The following BRD10 variants were observed in gnomAD, a reference collection of about 807,000 sequenced individuals.
BRD10 encodes uncharacterized bromodomain-containing protein 10.
chr9:5,924,627 T>C, the BRD10 span: 2 of 1,354,912 alleles, frequency 1.5e-6, no homozygotes, highest in African/African-American at 1.5e-5. Context: ...GTGCCTTCAG[T>C]GTTGACTTAA....
the BRD10 span, among the ~76,000 whole-genome samples, chr9:5,949,048 T>C: frequency 6.6e-6 from 1 of 152,178 alleles, no homozygotes. Flanking sequence ...CAATGAACTA[T>C]ATATATTTTT....
At chr9:5,887,784 C>G in the BRD10 span, among the ~76,000 whole-genome samples, 2 of 152,350 alleles carry the variant, frequency 1.3e-5, no homozygotes, top group East Asian at 3.9e-4. Flanking sequence ...GTCTATTGTT[C>G]TGCCTCAAGG....
the BRD10 span, among the ~76,000 whole-genome samples, chr9:5,951,263 A>C: frequency 6.6e-6 from 1 of 152,106 alleles, no homozygotes; most frequent in African/African-American, 2.4e-5. Flanking sequence ...AAAAAAAGTC[A>C]ACAAAAACAT....
the BRD10 span, among the ~76,000 whole-genome samples, chr9:5,943,464 A>G: frequency 6.6e-6 from 1 of 152,104 alleles, no homozygotes; most frequent in South Asian, 2.1e-4. Flanking sequence ...ACCTCTGCAA[A>G]AAACAGTAAC....
At chr9:5,978,422 AAAT>A in the BRD10 span, among the ~76,000 whole-genome samples, 3 of 151,740 alleles carry the variant, frequency 2.0e-5, no homozygotes, top group East Asian at 1.9e-4. Flanking sequence ...GAGTTTTAAG[AAAT>A]AATAAAATGT....
At chr9:5,964,286 C>T in the BRD10 span, among the ~76,000 whole-genome samples, 1 of 148,608 alleles carries the variant, frequency 6.7e-6, no homozygotes, top group African/African-American at 2.5e-5. Flanking sequence ...ATTTATGCAG[C>T]CAAAAAACAC....
the BRD10 span, among the ~76,000 whole-genome samples, chr9:5,949,920 AG>A: frequency 3.3e-5 from 5 of 152,238 alleles, no homozygotes; most frequent in Non-Finnish European, 5.9e-5. Flanking sequence ...AAACAGATAA[AG>A]GAAAAAGAAT....
At chr9:5,994,790 T>C in the BRD10 span, among the ~76,000 whole-genome samples, 1 of 152,206 alleles carries the variant, frequency 6.6e-6, no homozygotes, top group African/African-American at 2.4e-5. Context: ...TATAATCTGT[T>C]GTCTAACTAT....
chr9:5,954,033 T>C, the BRD10 span: 7 of 1,565,624 alleles, frequency 4.5e-6, no homozygotes, highest in Middle Eastern at 1.7e-4. Context: ...TCTGGTACAG[T>C]AGGTGACTTT....
chr9:5,962,307 G>A, the BRD10 span, among the ~76,000 whole-genome samples: 1 of 131,010 alleles, frequency 7.6e-6, no homozygotes, highest in Non-Finnish European at 1.6e-5. Flanking sequence ...AGAAAATCTA[G>A]AAGAAATGGA....
the BRD10 span, among the ~76,000 whole-genome samples, chr9:5,943,427 C>T: frequency 3.4e-4 from 51 of 151,658 alleles, no homozygotes; most frequent in East Asian, 7.9e-3. Context: ...TTGTTTAGAA[C>T]GAAATATGGA....
chr9:5,935,705 A>G, the BRD10 span, among the ~76,000 whole-genome samples: 203 of 152,354 alleles, frequency 1.3e-3, 2 homozygotes, highest in East Asian at 0.024. Flanking sequence ...AGGGGCATAA[A>G]AAGTTCCAAG....
At chr9:5,955,675 T>A in the BRD10 span, among the ~76,000 whole-genome samples, 1 of 148,978 alleles carries the variant, frequency 6.7e-6, no homozygotes, top group Non-Finnish European at 1.5e-5. Context: ...ACTGTCTTAT[T>A]TTAATAAGTA....
chr9:5,922,278 T>A, the BRD10 span: 7 of 1,613,954 alleles, frequency 4.3e-6, no homozygotes, highest in South Asian at 7.7e-5. Flanking sequence ...TTTAGTGTTG[T>A]TGTTGATGAC....
chr9:5,976,620 A>T, the BRD10 span, among the ~76,000 whole-genome samples: 3 of 152,182 alleles, frequency 2.0e-5, no homozygotes, highest in Admixed American at 1.3e-4. Context: ...GGTTATACAT[A>T]TAAGTAAAAT....
At chr9:5,931,201 C>T in the BRD10 span, among the ~76,000 whole-genome samples, 5 of 152,212 alleles carry the variant, frequency 3.3e-5, no homozygotes, top group East Asian at 9.6e-4. Flanking sequence ...CCTGGATTAG[C>T]AAGTGGTAGT....
At chr9:5,968,149 A>G in the BRD10 span, 5 of 1,591,624 alleles carry the variant, frequency 3.1e-6, no homozygotes, top group African/African-American at 4.0e-5. Context: ...CATTCAAAAC[A>G]TCTTTCAATT....
the BRD10 span, chr9:5,969,094 C>A: frequency 6.2e-7 from 1 of 1,613,734 alleles, no homozygotes; most frequent in Non-Finnish European, 8.5e-7. Context: ...CAGTGTACCA[C>A]TGTTGTACTT....
chr9:5,991,119 A>G, the BRD10 span, among the ~76,000 whole-genome samples: 1 of 152,168 alleles, frequency 6.6e-6, no homozygotes, highest in East Asian at 1.9e-4. Flanking sequence ...TTTCTGAACA[A>G]AATATATTTT....
Sources: allele counts gnomAD v4.1 joint callset (sites outside exome capture counted in the v4.1 genomes callset), GRCh38; gene constraint gnomAD v4.1.1; transcripts MANE v1.5; gene names NCBI Gene and HGNC (gene_info 2026-07-23, HGNC 2026-07-21).